GK5: variants seen among roughly 807,000 people sequenced by gnomAD.
GK5 encodes the protein ATP:glycerol 3-phosphotransferase 5.
Under a neutral mutation model 77.3 loss-of-function variants are expected in GK5, and 39 were observed. The observed-to-expected ratio is 0.50, with a 90% CI of 0.39 to 0.66. The LOEUF (loss-of-function observed/expected upper bound fraction) is 0.66. Ranked by LOEUF, GK5 falls within the 30% of genes least tolerant of loss-of-function variation. The pLI, the probability that GK5 is intolerant of heterozygous loss-of-function variation, is 0.00. For missense variants in GK5, 487 were observed against 633.8 expected (o/e 0.77, Z 2.49); for synonymous variants, 211 against 208.0 (o/e 1.01, Z -0.13).
At chr3:142,221,328 C>T (rs2064344306) in intron 1 of GK5, among the ~76,000 whole-genome samples, 1 of 152,168 alleles carries the variant, frequency 6.6e-6, no homozygotes, top group Non-Finnish European at 1.5e-5. Context: ...ACAAGAAACA[C>T]TTTCTTACCC....
intron 11 of GK5, among the ~76,000 whole-genome samples, chr3:142,180,485 A>G (rs976512913): frequency 6.6e-6 from 1 of 151,766 alleles, no homozygotes; most frequent in Non-Finnish European, 1.5e-5. Flanking sequence ...TATTTTTAGT[A>G]AAGACAGGGT....
chr3:142,222,529 A>C (rs974046796), intron 1 of GK5, among the ~76,000 whole-genome samples: 1 of 151,800 alleles, frequency 6.6e-6, no homozygotes, highest in African/African-American at 2.4e-5. Flanking sequence ...CAGTCACTGC[A>C]CTCCAGCCTG....
At chr3:142,197,694 T>A (rs2063954681) in intron 5 of GK5, among the ~76,000 whole-genome samples, 1 of 152,184 alleles carries the variant, frequency 6.6e-6, no homozygotes, top group African/African-American at 2.4e-5. Flanking sequence ...ATTGTTATTA[T>A]CACTTTGCAA....
intron 1 of GK5, among the ~76,000 whole-genome samples, chr3:142,222,438 G>A (rs1413916297): frequency 6.6e-6 from 1 of 152,092 alleles, no homozygotes; most frequent in South Asian, 2.1e-4. Context: ...GGTGGCGGGC[G>A]CCTGTAGTCC....
At chr3:142,212,048 A>G (rs2064194753) in intron 3 of GK5, among the ~76,000 whole-genome samples, 1 of 152,228 alleles carries the variant, frequency 6.6e-6, no homozygotes, top group South Asian at 2.1e-4. Flanking sequence ...CTTCCTGCCC[A>G]ATACTGAATT....
intron 3 of GK5, among the ~76,000 whole-genome samples, chr3:142,213,305 T>G (rs1262450745): frequency 6.6e-6 from 1 of 152,210 alleles, no homozygotes. Flanking sequence ...ATGGATAATT[T>G]TAATGACAGT....
intron 4 of GK5, among the ~76,000 whole-genome samples, chr3:142,200,472 C>T (rs1013349637): frequency 6.6e-6 from 1 of 152,074 alleles, no homozygotes; most frequent in African/African-American, 2.4e-5. Context: ...CCTGTCATTT[C>T]TTTATATTTT....
chr3:142,183,672 T>C (rs1436528968), intron 9 of GK5, among the ~76,000 whole-genome samples: 2 of 152,076 alleles, frequency 1.3e-5, no homozygotes, highest in African/African-American at 4.8e-5. Flanking sequence ...AGTTTCACCA[T>C]GTTAGCCAGG....
intron 9 of GK5, among the ~76,000 whole-genome samples, chr3:142,184,540 GCAA>G (rs2063741923): frequency 6.6e-6 from 1 of 151,944 alleles, no homozygotes; most frequent in African/African-American, 2.4e-5. Flanking sequence ...TATACAAACA[GCAA>G]CATTTTAAGG....
At chr3:142,189,226 C>T (rs1160934683) in intron 5 of GK5, among the ~76,000 whole-genome samples, 1 of 152,036 alleles carries the variant, frequency 6.6e-6, no homozygotes, top group East Asian at 1.9e-4. Context: ...CCAAAAAATA[C>T]TTAAGTAAGT....
intron 13 of GK5, 44 bp from the exon 14 acceptor site, chr3:142,171,522 T>A: frequency 1.6e-6 from 2 of 1,230,770 alleles, no homozygotes; most frequent in Non-Finnish European, 2.2e-6. Flanking sequence ...ATTCATATCA[T>A]AATAATTCAC....
intron 2 of GK5, among the ~76,000 whole-genome samples, chr3:142,214,128 A>T (rs1201306872): frequency 2.0e-5 from 3 of 152,198 alleles, no homozygotes; most frequent in African/African-American, 7.2e-5. Context: ...CCGGCCTTAA[A>T]GGTTGTTTCT....
In GK5 at chr3:142,164,041, T is replaced by C. The variant is rs1478204994; in HGVS notation, c.*1581A>G. 6.6e-6 allele frequency: 1 copy of C among 152,154 alleles called. No homozygotes were observed. The highest frequency in any genetic ancestry group is 2.4e-5 in the African/African-American group (1 of 41,446). The allele number at this position is 152,154 out of a possible 1,614,324, so 9.4% of individuals were successfully genotyped here. A position where few individuals can be genotyped will look rare whatever the true frequency, so the allele number is the denominator to read the frequency against. ...CTTTTTACAGTAAATAAAATACCTA[T>C]TTATTAATATTTCCAAATATTAATT... On this transcript the variant is annotated 3_prime_UTR_variant, in exon 16 of 16. Transcript: ENST00000392993.
At chr3:142,173,341 T>C in intron 12 of GK5, 1 of 270,194 alleles carries the variant, frequency 3.7e-6, no homozygotes, top group Non-Finnish European at 7.6e-6. Context: ...AGATGAGGTT[T>C]CTATTCATCT....
At chr3:142,177,447 A>G (rs760039098) in intron 12 of GK5, 35 bp downstream of exon 12, 1 of 1,222,492 alleles carries the variant, frequency 8.2e-7, no homozygotes, top group East Asian at 2.3e-5. Flanking sequence ...GGAGAAAAAT[A>G]TTTGTGATTG....
intron 1 of GK5, among the ~76,000 whole-genome samples, chr3:142,223,442 G>A (rs2107802396): frequency 6.6e-6 from 1 of 152,316 alleles, no homozygotes; most frequent in Non-Finnish European, 1.5e-5. Context: ...TTTCAGGCTG[G>A]GATAGGGATA....
chr3:142,176,951 G>A (rs559805823), intron 12 of GK5, among the ~76,000 whole-genome samples: 31 of 152,088 alleles, frequency 2.0e-4, no homozygotes, highest in Non-Finnish European at 4.0e-4. Flanking sequence ...GTGAGCCACC[G>A]CGCCCAGCCA....
intron 4 of GK5, among the ~76,000 whole-genome samples, chr3:142,199,264 A>G (rs2063982991): frequency 1.3e-5 from 2 of 152,158 alleles, no homozygotes. Flanking sequence ...GAATCTAGGA[A>G]GGAGGCTATA....
At chr3:142,195,946 G>T (rs980226982) in intron 5 of GK5, among the ~76,000 whole-genome samples, 1 of 152,124 alleles carries the variant, frequency 6.6e-6, no homozygotes, top group Admixed American at 6.5e-5. Context: ...CACTAGTAAA[G>T]CCATCTGGCT....
Sources: allele counts gnomAD v4.1 joint callset (sites outside exome capture counted in the v4.1 genomes callset), GRCh38; gene constraint gnomAD v4.1.1; transcripts MANE v1.5; gene names NCBI Gene and HGNC (gene_info 2026-07-23, HGNC 2026-07-21).